Variants in DPH5 observed in about 807,000 individuals in gnomAD.
The protein encoded by DPH5 is diphthamide biosynthesis 5.
A neutral mutation model predicts 31.6 loss-of-function variants in DPH5; 31 were observed. That is an observed-to-expected ratio of 0.98 (90% CI 0.74 to 1.32). The LOEUF (loss-of-function observed/expected upper bound fraction) is 1.32. Among genes scored for constraint, DPH5 ranks in the 40% most tolerant of loss-of-function variants. DPH5 has a pLI of 0.00. For synonymous variants in DPH5, 120 were observed against 115.0 expected (o/e 1.04, Z -0.28); for missense variants, 309 against 335.7 (o/e 0.92, Z 0.62).
chr1:101,022,566 T>C (rs1298976399), intron 2 of DPH5, among the ~76,000 whole-genome samples: 1 of 152,180 alleles, frequency 6.6e-6, no homozygotes, highest in Non-Finnish European at 1.5e-5. Flanking sequence ...GAATGAAGGA[T>C]CATGAATCTT....
chr1:100,990,438 G>A lies in DPH5; in HGVS notation c.828C>T (p.Ser276=). The A allele has an allele frequency of 6.2e-7, 1 of 1,613,980 alleles. No homozygotes were observed. Among genetic ancestry groups the A allele is most frequent in the Non-Finnish European group, 8.5e-7 (1 of 1,179,930 alleles). The part of the protein sequence containing the change: ...MLSLFSIPEN[S]SESQSINGL ...GTCCATTGATGCTTTGAGATTCTGA[G>A]CTATTTTCTGGTATGGAAAACAGAC... The change falls in exon 8 of 8, where the codon AGC becomes AGT. Residue 276 remains serine (S), a synonymous_variant. Transcript: ENST00000370109.
intron 3 of DPH5, among the ~76,000 whole-genome samples, chr1:101,018,733 A>T (rs1173411375): frequency 6.6e-6 from 1 of 152,158 alleles, no homozygotes; most frequent in Non-Finnish European, 1.5e-5. Flanking sequence ...CCATGTCCAC[A>T]CCTTTTGATA....
chr1:100,990,454 GA>G lies in DPH5; in HGVS notation c.811del (p.Ser271ProfsTer57), dbSNP rs1558028695. 1.2e-6 allele frequency: 2 copies of G among 1,614,034 alleles called. No individual in the cohort carries two copies. Among genetic ancestry groups the G allele is most frequent in the Non-Finnish European group, 1.7e-6 (2 of 1,179,972 alleles). ...PMEMEMLSLF[S>X]IPENSSESQS... ...AGATTCTGAGCTATTTTCTGGTATG[GA>G]AAACAGACTTAGCATCTCCATCTCC... On this transcript the variant is annotated frameshift_variant, in exon 8 of 8. Coordinates refer to ENST00000370109, the MANE Select transcript of DPH5 (RefSeq NM_015958.3). LOFTEE classifies it low-confidence loss of function (END_TRUNC).
intron 4 of DPH5, 52 bp from the exon 5 acceptor site, chr1:101,001,639 G>A (rs1339201461): frequency 7.6e-6 from 10 of 1,320,032 alleles, no homozygotes; most frequent in Non-Finnish European, 1.1e-5. Flanking sequence ...CTATTTCATA[G>A]ATAAGGAGAG....
chr1:100,991,246 C>A (rs1657671875), intron 7 of DPH5, among the ~76,000 whole-genome samples: 1 of 152,148 alleles, frequency 6.6e-6, no homozygotes, highest in Non-Finnish European at 1.5e-5. Context: ...AAACAGCCAG[C>A]CTTAGCTTTA....
At chr1:101,014,546 T>C (rs1659931234) in intron 3 of DPH5, among the ~76,000 whole-genome samples, 1 of 152,214 alleles carries the variant, frequency 6.6e-6, no homozygotes, top group Admixed American at 6.5e-5. Context: ...TGCTAGTGGA[T>C]GGTCTTGGCT....
At chr1:100,993,963 C>T (rs1308523816) in intron 6 of DPH5, among the ~76,000 whole-genome samples, 3 of 151,796 alleles carry the variant, frequency 2.0e-5, no homozygotes, top group Non-Finnish European at 2.9e-5. Flanking sequence ...AGGCTGGTCT[C>T]GAACTGCTGA....
chr1:101,022,087 C>T (rs968582945), intron 2 of DPH5, among the ~76,000 whole-genome samples: 1 of 151,942 alleles, frequency 6.6e-6, no homozygotes, highest in African/African-American at 2.4e-5. Flanking sequence ...AGGATGAATG[C>T]GGAATATGTA....
In DPH5 at chr1:100,989,834, G is replaced by C. The variant is rs1261079403; in HGVS notation, c.*574C>G. 6.5e-6 allele frequency: 1 copy of C among 153,124 alleles called. No individual in the cohort carries two copies. Among genetic ancestry groups the C allele is most frequent in the Admixed American group, 6.5e-5 (1 of 15,406 alleles). 9.5% of individuals were successfully genotyped at this position (153,124 alleles called of 1,614,324 possible). A position where few individuals can be genotyped will look rare whatever the true frequency, so the allele number is the denominator to read the frequency against. The stretch of plus-strand genomic sequence containing the variant: ...ATCCACAAGCTTTCCAGCCTGGTCT[G>C]CTTTATGTGTACATCCTGAAAATTT... On this transcript the variant is annotated 3_prime_UTR_variant, in exon 8 of 8. Coordinates refer to ENST00000370109, the MANE Select transcript of DPH5 (RefSeq NM_015958.3).
At chr1:101,016,248 G>A (rs915308638) in intron 3 of DPH5, among the ~76,000 whole-genome samples, 1 of 151,880 alleles carries the variant, frequency 6.6e-6, no homozygotes, top group African/African-American at 2.4e-5. Flanking sequence ...CAGCTACTCG[G>A]GAGGGTGAGG....
chr1:100,992,823 T>A, intron 6 of DPH5, 83 bp from the exon 7 acceptor site: 1 of 864,508 alleles, frequency 1.2e-6, no homozygotes, highest in Non-Finnish European at 1.9e-6. Context: ...CTCCCAGGTA[T>A]ACTCAAGTAC....
At position 100,990,424 on chromosome 1, in the gene DPH5, C is replaced by A; in HGVS notation, c.842G>T (p.Ser281Ile). The A allele has an allele frequency of 6.2e-7, 1 of 1,613,984 alleles. No homozygotes were observed. The highest frequency in any genetic ancestry group is 8.5e-7 in the Non-Finnish European group (1 of 1,179,918). The part of the protein sequence containing the change: ...SIPENSSESQ[S>I]INGL ...TATCTATGTTCAAAGTCCATTGATG[C>A]TTTGAGATTCTGAGCTATTTTCTGG... The change falls in exon 8 of 8, where the codon AGC becomes ATC. Residue 281 changes from serine to isoleucine, a missense_variant. Ser to Ile is a moderately radical substitution (Grantham distance 142). Transcript: ENST00000370109.
chr1:101,003,916 TA>T lies in DPH5; in HGVS notation c.370-2330del, dbSNP rs980288575. ...TAAAAAAGCTTCAAGGTAAAACTGTTAAAAAAATTATATATGCAATAATACA... is the reference window on the plus strand; with the variant it reads ...TAAAAAAGCTTCAAGGTAAAACTGTTAAAAAATTATATATGCAATAATACA... On this transcript the variant is annotated intron_variant, in intron 4 of 7. Coordinates refer to ENST00000370109, the MANE Select transcript of DPH5 (RefSeq NM_015958.3). Among the ~76,000 whole-genome samples the T allele has an allele frequency of 1.3e-3, 193 of 152,196 alleles. 1 individual carries two copies. Among genetic ancestry groups the T allele is most frequent in the African/African-American group, 4.2e-3 (175 of 41,544 alleles).
Position 101,013,821 on chromosome 1 carries a change from G to A in DPH5, c.261-3C>T, listed in dbSNP as rs1211257250. The stretch of plus-strand genomic sequence containing the variant: ...CAAGATCACTGTGTGTTGTGGCCCT[G>A]TAGTGAGAAAAGATTAGATTGGATT... On this transcript the variant is annotated splice_region_variant and splice_polypyrimidine_tract_variant and intron_variant, in intron 3 of 7. Transcript: ENST00000370109. 1 of 1,602,224 alleles carries A rather than the reference G, an allele frequency of 6.2e-7. No homozygotes were observed. Among genetic ancestry groups the A allele is most frequent in the African/African-American group, 1.3e-5 (1 of 74,378 alleles).
At chr1:100,991,725 G>A (rs1657734267) in intron 7 of DPH5, among the ~76,000 whole-genome samples, 2 of 146,196 alleles carry the variant, frequency 1.4e-5, no homozygotes, top group African/African-American at 5.2e-5. Flanking sequence ...GGAGGCAGAG[G>A]TTGCAGTGAG....
intron 3 of DPH5, 83 bp downstream of exon 3, chr1:101,021,558 A>C: frequency 7.1e-7 from 1 of 1,408,574 alleles, no homozygotes; most frequent in Non-Finnish European, 9.6e-7. Flanking sequence ...TGGCAGGTAA[A>C]AGTGTTAAAT....
intron 5 of DPH5, chr1:100,995,368 A>G (rs772576460): frequency 7.1e-6 from 3 of 421,378 alleles, no homozygotes; most frequent in Non-Finnish European, 8.8e-6. Context: ...CCATCCTGCT[A>G]ACATCTAATT....
chr1:101,010,668 C>T (rs1363855877), intron 4 of DPH5, among the ~76,000 whole-genome samples: 1 of 152,136 alleles, frequency 6.6e-6, no homozygotes, highest in African/African-American at 2.4e-5. Flanking sequence ...TCATGGAAAG[C>T]TCTTTCATGG....
At chr1:101,025,024 A>C (rs1660726839) in intron 2 of DPH5, 3 of 319,158 alleles carry the variant, frequency 9.4e-6, no homozygotes. Context: ...TCATGAAATA[A>C]GGGGTTTTGA....
Sources: allele counts gnomAD v4.1 joint callset (sites outside exome capture counted in the v4.1 genomes callset), GRCh38; gene constraint gnomAD v4.1.1; transcripts MANE v1.5; gene names NCBI Gene and HGNC (gene_info 2026-07-23, HGNC 2026-07-21).